Variants in SPTA1 observed in about 807,000 individuals in gnomAD.
SPTA1 encodes spectrin alpha, erythrocytic 1, also known as spectrin alpha chain, erythrocytic 1.
SPTA1 carries 177 observed loss-of-function variants against 324.7 expected under a neutral mutation model. That is an observed-to-expected ratio of 0.55 (90% CI 0.48 to 0.62). The LOEUF is 0.62. Among genes scored for constraint, SPTA1 ranks in the 20% least tolerant of loss-of-function variants. The pLI is 0.00. For missense variants in SPTA1, 3,162 were observed against 2,883.6 expected (o/e 1.10, Z -2.21); for synonymous variants, 1,195 against 1,041.3 (o/e 1.15, Z -2.84).
Position 158,674,405 on chromosome 1 carries a change from C to A in SPTA1, c.1274G>T (p.Arg425Leu), listed in dbSNP as rs374892311. Residue 425 changes from arginine to leucine, a missense_variant, in exon 10 of 52, where the codon CGA (arginine) becomes CTA (leucine). By Grantham distance (102) the Arg-to-Leu change is moderately radical (BLOSUM62 -2). Transcript: ENST00000643759. ...ACCAGTCTCATCAGCAGATTGAAAT[C>A]GGTCATCGTAAGAGTCAATCTCATG... ...HKHEIDSYDD[R>L]FQSADETGQD... 6.8e-6 allele frequency: 11 copies of A among 1,613,940 alleles called. No individual in the cohort carries two copies. In the Admixed American group the frequency reaches 1.2e-4, roughly 17 times the overall value.
rs1183089979 is a variant in SPTA1 at position 158,636,742 on chromosome 1, T to A, written c.5209A>T (p.Ser1737Cys). The change falls in exon 37 of 52, where the codon AGC becomes TGC. Residue 1737 changes from serine (S) to cysteine (C), a missense_variant. Coordinates refer to ENST00000643759, the MANE Select transcript of SPTA1 (RefSeq NM_003126.4). ...AGATCTCTCCCATAGTCCTGGGAGCTCACTCGTATCAACTTCTCCCTAAAA... is the reference window on the plus strand; with the variant it reads ...AGATCTCTCCCATAGTCCTGGGAGCACACTCGTATCAACTTCTCCCTAAAA... ...SWIEEKLIRV[S>C]SQDYGRDLQG... 6.2e-7 allele frequency: 1 copy of A among 1,613,998 alleles called. No individual in the cohort carries two copies. Among genetic ancestry groups the A allele is most frequent in the African/African-American group, 1.3e-5 (1 of 74,920 alleles).
intron 4 of SPTA1, 29 bp downstream of exon 4, chr1:158,681,498 C>T (rs757874097): frequency 6.2e-7 from 1 of 1,613,344 alleles, no homozygotes. Flanking sequence ...GTGGGAGGCC[C>T]TGTGTGATTG....
intron 40 of SPTA1, 51 bp downstream of exon 40, chr1:158,627,574 A>G: frequency 6.4e-7 from 1 of 1,552,054 alleles, no homozygotes; most frequent in Non-Finnish European, 8.9e-7. Context: ...CATTTGGGCC[A>G]GTCCCTTTTG....
intron 19 of SPTA1, among the ~76,000 whole-genome samples, chr1:158,656,996 C>G: frequency 6.6e-6 from 1 of 152,014 alleles, no homozygotes; most frequent in African/African-American, 2.4e-5. Flanking sequence ...TTTCTAGTTC[C>G]AAAGGTTTGT....
intron 14 of SPTA1, among the ~76,000 whole-genome samples, chr1:158,669,146 C>G (rs1382797438): frequency 6.6e-6 from 1 of 152,120 alleles, no homozygotes; most frequent in Non-Finnish European, 1.5e-5. Flanking sequence ...TACCTTCCCC[C>G]ATTTGGCTAA....
chr1:158,668,774 C>A (rs1653796296), intron 14 of SPTA1, among the ~76,000 whole-genome samples: 1 of 152,062 alleles, frequency 6.6e-6, no homozygotes, highest in African/African-American at 2.4e-5. Context: ...AGAGATAATT[C>A]AGGAATTTCC....
chr1:158,659,592 A>ACTATTTTTT (rs1557968856), intron 18 of SPTA1, among the ~76,000 whole-genome samples: 1 of 92,688 alleles, frequency 1.1e-5, no homozygotes, highest in African/African-American at 3.3e-5. Context: ...TAGTCTTAGC[A>ACTATTTTTT]TTATTTTTTT....
At chr1:158,643,448 G>A in intron 30 of SPTA1, 23 bp from the exon 31 acceptor site, 1 of 1,606,734 alleles carries the variant, frequency 6.2e-7, no homozygotes, top group South Asian at 1.1e-5. Flanking sequence ...AAAGGAAAGA[G>A]CCCAGATGCT....
rs371927209 is a variant in SPTA1 at position 158,640,045 on chromosome 1, G to C, written c.4738-38C>G. On this transcript the variant is annotated intron_variant, in intron 33 of 51. Coordinates refer to ENST00000643759, the MANE Select transcript of SPTA1 (RefSeq NM_003126.4). Reference sequence around the variant, plus strand: ...GAGTGAGGAGTCATTACAATCTTTAGGATCCCGGGCCCTGTGACTACTTGA... The same window carrying C: ...GAGTGAGGAGTCATTACAATCTTTACGATCCCGGGCCCTGTGACTACTTGA... 5.0e-6 allele frequency: 8 copies of C among 1,613,390 alleles called. No homozygotes were observed. The African/African-American group carries it at 1.1e-4, about 22-fold the overall frequency.
At chr1:158,680,314 A>G (rs576382739) in intron 5 of SPTA1, among the ~76,000 whole-genome samples, 2 of 152,282 alleles carry the variant, frequency 1.3e-5, no homozygotes, top group East Asian at 3.9e-4. Flanking sequence ...TATAAATGGC[A>G]ATAGCTTCAC....
intron 15 of SPTA1, among the ~76,000 whole-genome samples, chr1:158,667,163 CA>C (rs144553746): frequency 0.089 from 13,403 of 149,758 alleles, 793 homozygotes; most frequent in Non-Finnish European, 0.13. Flanking sequence ...GGATGGTATC[CA>C]AAAAAAAATC....
At chr1:158,654,235 C>T (rs1178010790) in intron 21 of SPTA1, among the ~76,000 whole-genome samples, 1 of 152,130 alleles carries the variant, frequency 6.6e-6, no homozygotes, top group African/African-American at 2.4e-5. Context: ...CTCCTTCTAA[C>T]CCCAGACATT....
chr1:158,682,277 T>C (rs1224975960), intron 3 of SPTA1, among the ~76,000 whole-genome samples: 1 of 152,212 alleles, frequency 6.6e-6, no homozygotes, highest in Non-Finnish European at 1.5e-5. Context: ...AAGAATCTTA[T>C]ATTTTTCAAC....
At chr1:158,613,512 T>C (rs1327974790) in intron 50 of SPTA1, among the ~76,000 whole-genome samples, 2 of 152,214 alleles carry the variant, frequency 1.3e-5, no homozygotes, top group African/African-American at 2.4e-5. Flanking sequence ...GGAGAAATTG[T>C]AAAGCTAGTC....
At chr1:158,613,300 A>G (rs1649365532) in intron 50 of SPTA1, among the ~76,000 whole-genome samples, 1 of 152,156 alleles carries the variant, frequency 6.6e-6, no homozygotes, top group South Asian at 2.1e-4. Context: ...TTTTAGTATT[A>G]GCAAGAATTA....
At chr1:158,670,183 T>A (rs958531230) in intron 12 of SPTA1, among the ~76,000 whole-genome samples, 6 of 152,196 alleles carry the variant, frequency 3.9e-5, no homozygotes, top group African/African-American at 1.4e-4. Flanking sequence ...CATCTCTACC[T>A]CTATCTCTAT....
intron 39 of SPTA1, among the ~76,000 whole-genome samples, chr1:158,632,711 G>T (rs1328667277): frequency 1.3e-5 from 2 of 149,896 alleles, no homozygotes; most frequent in Non-Finnish European, 3.0e-5. Context: ...ATGCATTGTT[G>T]TTAAGAGTGC....
rs781647129 is a variant in SPTA1, at chr1:158,661,332, G to A, written c.2542C>T (p.Arg848Cys). ...ILENIASHEP[R>C]IQEITERGNK... ...CCCCTTTCTGTTATCTCTTGAATGC[G>A]TGGTTCATGGCTGGCAATGTTCTCC... The change falls in exon 18 of 52, where the codon CGC becomes TGC. Residue 848 changes from arginine (R) to cysteine (C), a missense_variant. Physicochemically the swap from Arg to Cys is radical, Grantham distance 180. Transcript: ENST00000643759. The A allele has an allele frequency of 3.8e-5, 61 of 1,613,818 alleles. No homozygotes were observed. In the East Asian group the frequency reaches 4.2e-4, roughly 11 times the overall value.
intron 16 of SPTA1, among the ~76,000 whole-genome samples, chr1:158,663,696 G>A (rs1444895433): frequency 1.3e-5 from 2 of 152,094 alleles, no homozygotes; most frequent in African/African-American, 4.8e-5. Flanking sequence ...TTGGGTATAA[G>A]AGTGGCACAT....
Sources: gnomAD v4.1 joint callset for allele counts (sites outside exome capture counted in the v4.1 genomes callset) on GRCh38, gnomAD v4.1.1 for gene constraint, MANE v1.5 for transcripts, NCBI Gene and HGNC (gene_info 2026-07-23, HGNC 2026-07-21) for gene names.